Variants in DNAH14 observed in about 807,000 individuals in gnomAD.
DNAH14 encodes axonemal beta dynein heavy chain 14.
In DNAH14, 478 loss-of-function variants were observed where a neutral mutation model predicts 520.9. The observed-to-expected ratio is 0.92, with a 90% CI of 0.85 to 0.99. The LOEUF (loss-of-function observed/expected upper bound fraction) is 0.99, where lower values mean the gene tolerates loss of function less well. Among genes scored for constraint, DNAH14 ranks in the 50% least tolerant of loss-of-function variants. DNAH14 has a pLI of 0.00. For missense variants in DNAH14, 4,831 were observed against 5,234.5 expected (o/e 0.92, Z 2.38); for synonymous variants, 1,581 against 1,757.2 (o/e 0.90, Z 2.51).
rs767082924 is a variant in DNAH14 at position 225,266,658 on chromosome 1, T to C, written c.7428T>C (p.Asp2476=). ...TTCTTAAGATTCTAATATTTATTGA[T>C]GATATGAATATGCCAGTATCAGATA... The part of the protein sequence containing the change: ...PKNNRILIFI[D]DMNMPVSDMY... Residue 2476 remains aspartate (D), a synonymous_variant, in exon 49 of 86, where the codon GAT becomes GAC. Coordinates refer to ENST00000682510, the MANE Select transcript of DNAH14 (RefSeq NM_001367479.1). The C allele has an allele frequency of 6.0e-6, 9 of 1,496,166 alleles. No homozygotes were observed. The East Asian group carries it at 2.3e-4, about 38-fold the overall frequency. 92.7% of individuals were successfully genotyped at this position (1,496,166 alleles called of 1,614,324 possible). A position where few individuals can be genotyped will look rare whatever the true frequency, so the allele number is the denominator to read the frequency against.
chr1:225,081,602 C>A (rs767067536), intron 19 of DNAH14, among the ~76,000 whole-genome samples: 1 of 152,206 alleles, frequency 6.6e-6, no homozygotes, highest in African/African-American at 2.4e-5. Context: ...TAAAGTTACA[C>A]TCTTGACCTT....
Position 225,186,668 on chromosome 1 carries a change from G to A in DNAH14, c.5670+1243G>A, listed in dbSNP as rs902915294. On this transcript the variant is annotated intron_variant, in intron 37 of 85. Coordinates refer to ENST00000682510, the MANE Select transcript of DNAH14 (RefSeq NM_001367479.1). The stretch of plus-strand genomic sequence containing the variant: ...ACACTAAATATATTTTGAAATAACC[G>A]AGATAGTACCATGTATAAGAAATCT... 4.6e-5 allele frequency among the ~76,000 whole-genome samples: 7 copies of A among 151,612 alleles called. 1 individual carries two copies. In the South Asian group the frequency reaches 6.2e-4, roughly 14 times the overall value.
At chr1:225,026,915 G>T (rs961025453) in intron 11 of DNAH14, among the ~76,000 whole-genome samples, 4 of 151,918 alleles carry the variant, frequency 2.6e-5, no homozygotes, top group African/African-American at 9.7e-5. Context: ...ATTTATGTAG[G>T]CATTCTTTAA....
chr1:225,323,221 T>G (rs1176715205), intron 62 of DNAH14, among the ~76,000 whole-genome samples: 6 of 152,146 alleles, frequency 3.9e-5, no homozygotes, highest in African/African-American at 1.4e-4. Context: ...CTTGCCAATA[T>G]GCCGCCTGGG....
chr1:224,967,819 C>A, intron 6 of DNAH14: 1 of 1,349,188 alleles, frequency 7.4e-7, no homozygotes, highest in Non-Finnish European at 9.5e-7. Flanking sequence ...CTATCAAATA[C>A]TTTGTTAATA....
intron 41 of DNAH14, among the ~76,000 whole-genome samples, chr1:225,219,730 C>T (rs1032440726): frequency 1.3e-5 from 2 of 152,134 alleles, no homozygotes; most frequent in Admixed American, 6.5e-5. Context: ...ACCAGAGGTA[C>T]AAAGAGGAGC....
In DNAH14 at chr1:225,192,688, T is replaced by A; in HGVS notation, c.5671-8T>A. On this transcript the variant is annotated splice_polypyrimidine_tract_variant and splice_region_variant and intron_variant, in intron 37 of 85. Transcript: ENST00000682510. ...ATGTCTTTAAAAACTACACTGGATTTTTCCCAGATTTCAGAAAGAAAAGGA... is the reference window on the plus strand; with the variant it reads ...ATGTCTTTAAAAACTACACTGGATTATTCCCAGATTTCAGAAAGAAAAGGA... The A allele has an allele frequency of 6.5e-7, 1 of 1,539,594 alleles. No individual in the cohort carries two copies. Among genetic ancestry groups the A allele is most frequent in the Non-Finnish European group, 8.8e-7 (1 of 1,137,896 alleles).
intron 11 of DNAH14, among the ~76,000 whole-genome samples, chr1:225,032,616 C>G (rs560194620): frequency 9.2e-5 from 14 of 152,126 alleles, no homozygotes; most frequent in South Asian, 2.1e-4. Flanking sequence ...ACTGCTGGGT[C>G]GAATGGTAGT....
At chr1:224,974,062 T>A in intron 7 of DNAH14, 29 bp from the exon 8 acceptor site, 1 of 1,420,542 alleles carries the variant, frequency 7.0e-7, no homozygotes, top group Non-Finnish European at 9.4e-7. Context: ...TTTATGGATA[T>A]GGAATATAAG....
intron 1 of DNAH14, among the ~76,000 whole-genome samples, chr1:224,944,347 G>A (rs1248318575): frequency 6.6e-6 from 1 of 152,060 alleles, no homozygotes; most frequent in African/African-American, 2.4e-5. Context: ...TTGCTTGGTA[G>A]ATCTTCCTCC....
intron 60 of DNAH14, among the ~76,000 whole-genome samples, chr1:225,309,098 G>C (rs1007711678): frequency 4.6e-5 from 7 of 152,096 alleles, no homozygotes; most frequent in Admixed American, 4.6e-4. Flanking sequence ...CCTAGGACAA[G>C]GTTTATTATG....
chr1:225,200,992 T>A (rs1185837918), intron 38 of DNAH14, among the ~76,000 whole-genome samples: 1 of 151,956 alleles, frequency 6.6e-6, no homozygotes, highest in Non-Finnish European at 1.5e-5. Flanking sequence ...AGAACACCAA[T>A]TATTCTTAGG....
intron 21 of DNAH14, among the ~76,000 whole-genome samples, chr1:225,096,438 A>G (rs1427075958): frequency 6.6e-6 from 1 of 152,238 alleles, no homozygotes; most frequent in Non-Finnish European, 1.5e-5. Context: ...ATGAGGAACC[A>G]GAGAGTTAGG....
At chr1:225,205,868 C>A in intron 39 of DNAH14, 103 bp from the exon 40 acceptor site, 1 of 927,856 alleles carries the variant, frequency 1.1e-6, no homozygotes, top group Non-Finnish European at 1.6e-6. Context: ...GGATATCTTT[C>A]CTCTTAGAAA....
intron 8 of DNAH14, among the ~76,000 whole-genome samples, chr1:224,999,164 A>G (rs2063583409): frequency 6.6e-6 from 1 of 152,026 alleles, no homozygotes; most frequent in Non-Finnish European, 1.5e-5. Flanking sequence ...AGTTTCTTAC[A>G]GACAGCATAT....
intron 76 of DNAH14, among the ~76,000 whole-genome samples, chr1:225,365,484 G>A (rs997984289): frequency 6.6e-5 from 10 of 152,108 alleles, no homozygotes; most frequent in Non-Finnish European, 2.9e-5. Flanking sequence ...CACAGAAGTG[G>A]GTGGGCATGG....
At chr1:225,206,296 G>T (rs767022482) in intron 40 of DNAH14, 117 bp downstream of exon 40, 23 of 904,504 alleles carry the variant, frequency 2.5e-5, no homozygotes, top group African/African-American at 5.0e-5. Flanking sequence ...CCAGCAGCAT[G>T]AACTCAATAG....
intron 7 of DNAH14, among the ~76,000 whole-genome samples, chr1:224,973,810 G>A (rs2061646944): frequency 6.6e-6 from 1 of 152,038 alleles, no homozygotes; most frequent in African/African-American, 2.4e-5. Context: ...AAGGAAAACG[G>A]TATTTTAAAA....
At chr1:224,972,785 T>G (rs1256264044) in intron 7 of DNAH14, among the ~76,000 whole-genome samples, 1 of 152,194 alleles carries the variant, frequency 6.6e-6, no homozygotes, top group African/African-American at 2.4e-5. Flanking sequence ...TTAATATCTT[T>G]ATAGTTTTTC....
Sources: gnomAD v4.1 joint callset for allele counts (sites outside exome capture counted in the v4.1 genomes callset) on GRCh38, gnomAD v4.1.1 for gene constraint, MANE v1.5 for transcripts, NCBI Gene and HGNC (gene_info 2026-07-23, HGNC 2026-07-21) for gene names.